Variants in RBFOX1 observed in about 807,000 individuals in gnomAD.
RBFOX1 encodes the protein RNA binding fox-1 homolog 1, also known as RNA binding protein fox-1 homolog 1.
Under a neutral mutation model 57.7 loss-of-function variants are expected in RBFOX1, and 8 were observed. That is an observed-to-expected ratio of 0.14 (90% confidence interval 0.08 to 0.25). The LOEUF (loss-of-function observed/expected upper bound fraction) is 0.25, where lower values mean the gene tolerates loss of function less well. RBFOX1 is among the 10% of genes least tolerant of loss of function. The probability of loss-of-function intolerance (pLI) is 1.00; values close to 1 mark genes in which losing one functional copy is unlikely to be tolerated. For synonymous variants in RBFOX1, 326 were observed against 222.4 expected, an observed-to-expected ratio of 1.47 and a Z score of -4.15; for missense variants, 611 against 548.5, an observed-to-expected ratio of 1.11 and a Z score of -1.14.
intron 3 of RBFOX1, among the ~76,000 whole-genome samples, chr16:5,636,756 C>A (rs1479200771): frequency 3.9e-5 from 6 of 152,174 alleles, no homozygotes; most frequent in Non-Finnish European, 7.3e-5. Flanking sequence ...GGGTTGCCTT[C>A]CAGAGCTATT....
chr16:6,514,542 G>A (rs989021381), intron 2 of RBFOX1, among the ~76,000 whole-genome samples: 1 of 152,158 alleles, frequency 6.6e-6, no homozygotes, highest in African/African-American at 2.4e-5. Context: ...GTTTGTAAAT[G>A]TGCTCTAGCA....
intron 1 of RBFOX1, among the ~76,000 whole-genome samples, chr16:6,273,858 A>T (rs530162070): frequency 2.2e-4 from 33 of 152,234 alleles, no homozygotes; most frequent in African/African-American, 7.9e-4. Flanking sequence ...TCAAAACTGA[A>T]CCAAAAAAAT....
Position 6,936,061 on chromosome 16 carries a change from C to T in RBFOX1, c.-15-115996C>T, listed in dbSNP as rs149982517. 2.5e-3 allele frequency among the ~76,000 whole-genome samples: 375 copies of T among 152,272 alleles called. 2 individuals are homozygous for T. The highest frequency in any genetic ancestry group is 3.4e-3 in the Middle Eastern group (1 of 294). Reference sequence around the variant, plus strand: ...TCAATGCGCAAGAGTATTTTGCCTGCGTCAGGCTGACTGCGGGCATTTCCT... The same window carrying T: ...TCAATGCGCAAGAGTATTTTGCCTGTGTCAGGCTGACTGCGGGCATTTCCT... On this transcript the variant is annotated intron_variant, in intron 3 of 15. Coordinates refer to ENST00000550418, the MANE Select transcript of RBFOX1 (RefSeq NM_018723.4).
chr16:5,510,561 T>G (rs2043548237), intron 2 of RBFOX1, among the ~76,000 whole-genome samples: 1 of 152,128 alleles, frequency 6.6e-6, no homozygotes, highest in Non-Finnish European at 1.5e-5. Context: ...AAGAGCACCC[T>G]TCCTGGAATG....
At chr16:5,811,759 A>G (rs953043651) in intron 3 of RBFOX1, among the ~76,000 whole-genome samples, 1 of 152,164 alleles carries the variant, frequency 6.6e-6, no homozygotes, top group African/African-American at 2.4e-5. Flanking sequence ...AGGACAAACT[A>G]TTTTTAAGGC....
chr16:6,924,128 C>T (rs1041593030), intron 3 of RBFOX1, among the ~76,000 whole-genome samples: 1 of 151,866 alleles, frequency 6.6e-6, no homozygotes, highest in Non-Finnish European at 1.5e-5. Context: ...GAGATTGTAC[C>T]ACTGCACTCC....
chr16:7,499,332 C>T (rs1316556229), intron 4 of RBFOX1, among the ~76,000 whole-genome samples: 1 of 152,162 alleles, frequency 6.6e-6, no homozygotes, highest in Non-Finnish European at 1.5e-5. Context: ...TTATAAGACA[C>T]AGTCATATGG....
chr16:5,444,735 A>G (rs2068189991), intron 1 of RBFOX1, among the ~76,000 whole-genome samples: 1 of 152,220 alleles, frequency 6.6e-6, no homozygotes, highest in Non-Finnish European at 1.5e-5. Context: ...CACCATGCAC[A>G]GAGCATTTCT....
intron 4 of RBFOX1, among the ~76,000 whole-genome samples, chr16:7,296,850 A>G (rs1207958986): frequency 2.6e-5 from 4 of 152,194 alleles, no homozygotes; most frequent in Non-Finnish European, 5.9e-5. Flanking sequence ...TTGGAGGAAT[A>G]CAGGAGTTAA....
intron 1 of RBFOX1, among the ~76,000 whole-genome samples, chr16:6,226,042 G>C (rs2152891619): frequency 6.6e-6 from 1 of 152,184 alleles, no homozygotes; most frequent in African/African-American, 2.4e-5. Flanking sequence ...CCTTTCCAAA[G>C]ATCACAGAGT....
At chr16:7,392,378 G>C (rs1438932819) in intron 4 of RBFOX1, among the ~76,000 whole-genome samples, 2 of 152,166 alleles carry the variant, frequency 1.3e-5, no homozygotes, top group Non-Finnish European at 2.9e-5. Flanking sequence ...CCACTCAGGA[G>C]TAATAGCTAC....
intron 1 of RBFOX1, among the ~76,000 whole-genome samples, chr16:5,295,008 T>G (rs1596431680): frequency 3.7e-5 from 3 of 81,084 alleles, no homozygotes; most frequent in African/African-American, 3.4e-5. Context: ...CCAGCCTGGG[T>G]GACAGAGTGA....
intron 1 of RBFOX1, among the ~76,000 whole-genome samples, chr16:5,401,475 G>A (rs2066712132): frequency 1.3e-5 from 2 of 152,102 alleles, no homozygotes; most frequent in Admixed American, 6.5e-5. Context: ...CTTTGTGATG[G>A]GGCCCCTCCT....
At chr16:5,413,084 A>G (rs1472317195) in intron 1 of RBFOX1, among the ~76,000 whole-genome samples, 1 of 152,162 alleles carries the variant, frequency 6.6e-6, no homozygotes, top group African/African-American at 2.4e-5. Context: ...AGGCTGCTGT[A>G]TTGATGTTTC....
At chr16:6,561,478 G>T (rs1359394312) in intron 2 of RBFOX1, among the ~76,000 whole-genome samples, 1 of 152,130 alleles carries the variant, frequency 6.6e-6, no homozygotes, top group Non-Finnish European at 1.5e-5. Context: ...CTTCCCTGTT[G>T]TTAGTCTATC....
Position 5,853,223 on chromosome 16 carries a change from A to G in RBFOX1, c.319-14080A>G, listed in dbSNP as rs544263249. Among the ~76,000 whole-genome samples the G allele has an allele frequency of 5.3e-5, 8 of 152,216 alleles. No individual in the cohort carries two copies. In the South Asian group the frequency reaches 1.7e-3, roughly 32 times the overall value. Reference sequence around the variant, plus strand: ...TCAGCCTTGCATTTCAATGCCAGGTAGCATTTGATATCCTGGAGTTGAACA... The same window carrying G: ...TCAGCCTTGCATTTCAATGCCAGGTGGCATTTGATATCCTGGAGTTGAACA... On this transcript the variant is annotated intron_variant, in intron 3 of 19. Transcript: ENST00000641259.
chr16:7,632,066 C>T (rs2061056000), intron 11 of RBFOX1, among the ~76,000 whole-genome samples: 1 of 152,122 alleles, frequency 6.6e-6, no homozygotes, highest in Non-Finnish European at 1.5e-5. Flanking sequence ...TGTACCACCA[C>T]TCCCACTGAT....
intron 3 of RBFOX1, among the ~76,000 whole-genome samples, chr16:6,954,479 G>A (rs890330197): frequency 1.4e-4 from 22 of 152,190 alleles, no homozygotes; most frequent in Non-Finnish European, 2.5e-4. Context: ...AGTTTAAAAC[G>A]TAATTTTGTT....
intron 3 of RBFOX1, among the ~76,000 whole-genome samples, chr16:6,713,250 C>T (rs2064075417): frequency 8.0e-6 from 1 of 125,036 alleles, no homozygotes; most frequent in African/African-American, 3.2e-5. Context: ...CAACTCTGAC[C>T]ATATCATACC....
Sources: allele counts gnomAD v4.1 joint callset (sites outside exome capture counted in the v4.1 genomes callset), GRCh38; gene constraint gnomAD v4.1.1; transcripts MANE v1.5; gene names NCBI Gene and HGNC (gene_info 2026-07-23, HGNC 2026-07-21).